Variants in DENND1A observed in about 807,000 individuals in gnomAD.
The protein encoded by DENND1A is DENN domain-containing protein 1A.
DENND1A carries 51 observed loss-of-function variants against 113.7 expected under a neutral mutation model. That is an observed-to-expected ratio of 0.45 (90% CI 0.36 to 0.57). The LOEUF is 0.57. DENND1A is among the 20% of genes least tolerant of loss of function. DENND1A has a pLI of 0.00. For synonymous variants in DENND1A, 565 were observed against 570.8 expected (o/e 0.99, Z 0.14); for missense variants, 1,258 against 1,395.9 (o/e 0.90, Z 1.57).
chr9:123,909,385 A>T (rs575109792), intron 1 of DENND1A, among the ~76,000 whole-genome samples: 16 of 149,116 alleles, frequency 1.1e-4, no homozygotes, highest in South Asian at 2.1e-4. Context: ...AAATAAAATA[A>T]AATATAAAAT....
At chr9:123,669,072 T>A (rs1289922257) in intron 7 of DENND1A, among the ~76,000 whole-genome samples, 1 of 152,236 alleles carries the variant, frequency 6.6e-6, no homozygotes, top group Non-Finnish European at 1.5e-5. Context: ...ATGAAATGCT[T>A]ACCATTCAAT....
At chr9:123,628,949 C>T (rs2061359802) in intron 10 of DENND1A, among the ~76,000 whole-genome samples, 1 of 152,214 alleles carries the variant, frequency 6.6e-6, no homozygotes, top group South Asian at 2.1e-4. Flanking sequence ...CATTCACTTA[C>T]TGCTATGCAT....
chr9:123,621,320 G>A (rs534712306), intron 10 of DENND1A, among the ~76,000 whole-genome samples: 1 of 151,908 alleles, frequency 6.6e-6, no homozygotes, highest in Admixed American at 6.5e-5. Context: ...TGAGTAGCTG[G>A]GATTACAGGC....
At chr9:123,516,683 C>G (rs769180659) in intron 13 of DENND1A, among the ~76,000 whole-genome samples, 3 of 151,674 alleles carry the variant, frequency 2.0e-5, no homozygotes, top group Non-Finnish European at 2.9e-5. Context: ...GTCAGGAGAT[C>G]GAGACTATCC....
At chr9:123,882,822 T>C (rs936988027) in intron 1 of DENND1A, among the ~76,000 whole-genome samples, 3 of 152,210 alleles carry the variant, frequency 2.0e-5, no homozygotes, top group Admixed American at 6.5e-5. Flanking sequence ...ATACACATAA[T>C]ACCTTTGAAC....
chr9:123,691,190 G>T (rs1164010207), intron 5 of DENND1A, among the ~76,000 whole-genome samples: 1 of 152,188 alleles, frequency 6.6e-6, no homozygotes, highest in Non-Finnish European at 1.5e-5. Flanking sequence ...AAGCATAAAT[G>T]TGTGCCAGCC....
At chr9:123,873,605 G>C (rs1846987989) in intron 2 of DENND1A, among the ~76,000 whole-genome samples, 1 of 152,136 alleles carries the variant, frequency 6.6e-6, no homozygotes, top group Non-Finnish European at 1.5e-5. Context: ...TAGTAAATAA[G>C]TTTTATTTAG....
chr9:123,844,995 GA>G (rs1842374929), intron 2 of DENND1A, among the ~76,000 whole-genome samples: 1 of 152,120 alleles, frequency 6.6e-6, no homozygotes, highest in Non-Finnish European at 1.5e-5. Flanking sequence ...GAGGTGGACA[GA>G]TCACTTGAAG....
At chr9:123,427,988 C>A (rs2045868485) in intron 19 of DENND1A, among the ~76,000 whole-genome samples, 1 of 152,006 alleles carries the variant, frequency 6.6e-6, no homozygotes, top group African/African-American at 2.4e-5. Context: ...GAGGCAAGGC[C>A]AATAAATGAG....
intron 2 of DENND1A, among the ~76,000 whole-genome samples, chr9:123,822,391 G>C (rs950030430): frequency 1.3e-5 from 2 of 152,100 alleles, no homozygotes; most frequent in African/African-American, 4.8e-5. Context: ...ACAACATATA[G>C]AAGTAAAAAT....
intron 2 of DENND1A, among the ~76,000 whole-genome samples, chr9:123,850,693 T>C (rs1843217711): frequency 1.3e-5 from 2 of 152,192 alleles, no homozygotes; most frequent in Non-Finnish European, 2.9e-5. Context: ...GGTTTCCCCA[T>C]CTGTAAAATT....
intron 5 of DENND1A, among the ~76,000 whole-genome samples, chr9:123,728,588 T>C (rs1388813022): frequency 2.0e-5 from 3 of 150,344 alleles, no homozygotes; most frequent in Admixed American, 6.6e-5. Context: ...GGATTTTCTA[T>C]AGCTATTAAA....
intron 8 of DENND1A, among the ~76,000 whole-genome samples, chr9:123,665,687 T>A (rs929099660): frequency 1.1e-4 from 16 of 152,220 alleles, no homozygotes; most frequent in Non-Finnish European, 8.8e-5. Context: ...TTATCAAGTA[T>A]TCAAGTATAT....
At chr9:123,540,741 G>C (rs531030922) in intron 13 of DENND1A, among the ~76,000 whole-genome samples, 1 of 152,122 alleles carries the variant, frequency 6.6e-6, no homozygotes, top group Non-Finnish European at 1.5e-5. Context: ...CAGGGAGTAC[G>C]GCAAAAATGT....
intron 19 of DENND1A, among the ~76,000 whole-genome samples, chr9:123,425,261 T>C (rs1343295427): frequency 6.6e-6 from 1 of 152,260 alleles, no homozygotes; most frequent in African/African-American, 2.4e-5. Context: ...TCTTGTCCTG[T>C]TGGGCTCAAT....
intron 3 of DENND1A, among the ~76,000 whole-genome samples, chr9:123,782,425 CTAGCT>C (rs1831463348): frequency 6.6e-6 from 1 of 152,164 alleles, no homozygotes; most frequent in Non-Finnish European, 1.5e-5. Flanking sequence ...TTTGTCCTAC[CTAGCT>C]TAAATTCTGA....
intron 18 of DENND1A, among the ~76,000 whole-genome samples, chr9:123,445,918 G>T (rs1435640517): frequency 6.6e-6 from 1 of 152,176 alleles, no homozygotes; most frequent in Admixed American, 6.5e-5. Flanking sequence ...ATTATTCAGT[G>T]CCTACTAAGT....
chr9:123,415,753 G>A lies in DENND1A; in HGVS notation c.1489-3924C>T, dbSNP rs552806435. Among the ~76,000 whole-genome samples the A allele has an allele frequency of 4.6e-5, 7 of 152,328 alleles. 1 individual carries two copies. In the East Asian group the frequency reaches 7.7e-4, roughly 17 times the overall value. On this transcript the variant is annotated intron_variant, in intron 19 of 23. Transcript: ENST00000394215. ...GTCACGAGGGCCCTGCTGCAGGGAT[G>A]CGGGGCATCTGATGGCACTTCACGC...
chr9:123,516,111 C>T (rs900498408), intron 13 of DENND1A, among the ~76,000 whole-genome samples: 1 of 3,124 alleles, frequency 3.2e-4, no homozygotes, highest in African/African-American at 8.1e-4. Context: ...CACACATACA[C>T]ACACACACAC....
Sources: gnomAD v4.1 joint callset for allele counts (sites outside exome capture counted in the v4.1 genomes callset) on GRCh38, gnomAD v4.1.1 for gene constraint, MANE v1.5 for transcripts, NCBI Gene and HGNC (gene_info 2026-07-23, HGNC 2026-07-21) for gene names.